Variants in CELF4 observed in about 807,000 individuals in gnomAD.
CELF4 encodes the protein CUG-BP- and ETR-3-like factor 4.
A neutral mutation model predicts 59.9 loss-of-function variants in CELF4; 18 were observed. The observed-to-expected ratio is 0.30, with a 90% confidence interval of 0.21 to 0.45. CELF4 has a LOEUF of 0.45. Ranked by LOEUF, CELF4 falls within the 20% of genes least tolerant of loss-of-function variation. The pLI, the probability that CELF4 is intolerant of heterozygous loss-of-function variation, is 1.00. For missense variants in CELF4, 456 were observed against 689.0 expected, an observed-to-expected ratio of 0.66 and a Z score of 3.79; for synonymous variants, 261 against 267.1, an observed-to-expected ratio of 0.98 and a Z score of 0.22.
chr18:37,407,800 A>G (rs1158601283), intron 2 of CELF4, among the ~76,000 whole-genome samples: 1 of 152,080 alleles, frequency 6.6e-6, no homozygotes, highest in Non-Finnish European at 1.5e-5. Flanking sequence ...AACACTGCAC[A>G]TGCCATATTG....
intron 1 of CELF4, among the ~76,000 whole-genome samples, chr18:37,546,961 C>A (rs534048441): frequency 6.6e-6 from 1 of 152,116 alleles, no homozygotes; most frequent in Non-Finnish European, 1.5e-5. Context: ...GTCAGTACTG[C>A]GAAAGAAGGC....
At chr18:37,307,627 G>A (rs1429444383) in intron 3 of CELF4, among the ~76,000 whole-genome samples, 5 of 152,226 alleles carry the variant, frequency 3.3e-5, no homozygotes, top group African/African-American at 7.2e-5. Context: ...GACAGAGGGG[G>A]CTGCTTTTAG....
At chr18:37,283,132 G>C (rs990609523) in intron 3 of CELF4, among the ~76,000 whole-genome samples, 1 of 151,976 alleles carries the variant, frequency 6.6e-6, no homozygotes, top group Non-Finnish European at 1.5e-5. Context: ...GGTGGAAGAG[G>C]CAGGAGACTG....
At chr18:37,353,249 T>TATATATAC (rs1473946530) in intron 2 of CELF4, among the ~76,000 whole-genome samples, 1 of 146,598 alleles carries the variant, frequency 6.8e-6, no homozygotes, top group African/African-American at 2.5e-5. Context: ...TATATATATA[T>TATATATAC]ACATAAAAGA....
Position 37,264,754 on chromosome 18 carries a change from G to T in CELF4, c.1169C>A (p.Ala390Asp). Residue 390 changes from alanine (A) to aspartate (D), a missense_variant, in exon 10 of 13, where the codon GCT (alanine) becomes GAT (aspartate). Physicochemically the swap from Ala to Asp is moderately radical, Grantham distance 126 (BLOSUM62 -2). Around this residue, in one of 7 missense-constraint regions of CELF4, gnomAD observed 256 missense variants for 340.8 expected, o/e 0.75. Coordinates refer to ENST00000420428, the MANE Select transcript of CELF4 (RefSeq NM_020180.4). ...CTGACCATAGGCAGCAGGGTAGGCA[G>T]CTGCTGGAGGCCCAAGACAAGAAGC... ...YAGVQQYAGPAAYPAAYGQIS... is the reference protein window; with the variant it reads ...YAGVQQYAGPDAYPAAYGQIS... The T allele has an allele frequency of 1.3e-6, 2 of 1,569,166 alleles. No homozygotes were observed. Among genetic ancestry groups the T allele is most frequent in the Non-Finnish European group, 1.7e-6 (2 of 1,156,334 alleles).
intron 2 of CELF4, among the ~76,000 whole-genome samples, chr18:37,435,704 C>T (rs1020319490): frequency 6.6e-5 from 10 of 152,172 alleles, no homozygotes; most frequent in Non-Finnish European, 1.2e-4. Flanking sequence ...GCACTGGCTC[C>T]CAGGCGACTC....
At chr18:37,386,503 G>A (rs781353144) in intron 2 of CELF4, among the ~76,000 whole-genome samples, 2 of 152,172 alleles carry the variant, frequency 1.3e-5, no homozygotes, top group Non-Finnish European at 2.9e-5. Flanking sequence ...AGAGTGAGGC[G>A]GAGAGCCGTA....
chr18:37,448,847 A>G (rs1324998411), intron 2 of CELF4, among the ~76,000 whole-genome samples: 1 of 152,124 alleles, frequency 6.6e-6, no homozygotes, highest in Non-Finnish European at 1.5e-5. Context: ...TCACCCTCCC[A>G]TGGCATGGCC....
At chr18:37,477,968 G>A (rs1421400708) in intron 2 of CELF4, among the ~76,000 whole-genome samples, 1 of 152,154 alleles carries the variant, frequency 6.6e-6, no homozygotes, top group African/African-American at 2.4e-5. Flanking sequence ...GTACCATCAG[G>A]AATCCAGCCC....
At chr18:37,376,890 G>C (rs1179493841) in intron 2 of CELF4, among the ~76,000 whole-genome samples, 1 of 152,140 alleles carries the variant, frequency 6.6e-6, no homozygotes, top group Non-Finnish European at 1.5e-5. Flanking sequence ...GAGCAGAGGA[G>C]AGCCCCTCCC....
rs768363382 is a variant in CELF4 at position 37,565,480 on chromosome 18, G to A, written c.162C>T (p.Ile54=). ...GGGGGATCTGCCCAATGAACAGCTT[G>A]ATGGCATCGTGGTCCTTCATGGGAA... ...STIPMKDHDA[I]KLFIGQIPRN... Residue 54 remains isoleucine (I), a synonymous_variant, in exon 1 of 13, where the codon ATC becomes ATT. Transcript: ENST00000420428. The A allele has an allele frequency of 1.2e-6, 2 of 1,614,180 alleles. No homozygotes were observed. Among genetic ancestry groups the A allele is most frequent in the South Asian group, 2.2e-5 (2 of 91,080 alleles).
At chr18:37,479,498 G>C (rs973382704) in intron 2 of CELF4, among the ~76,000 whole-genome samples, 1 of 152,168 alleles carries the variant, frequency 6.6e-6, no homozygotes, top group Non-Finnish European at 1.5e-5. Context: ...AATGTCAAAT[G>C]TCCCCCGCAG....
Position 37,485,584 on chromosome 18 carries a change from C to G in CELF4, c.310G>C (p.Glu104Gln). 6.8e-7 allele frequency: 1 copy of G among 1,460,244 alleles called. No individual in the cohort carries two copies. Among genetic ancestry groups the G allele is most frequent in the Non-Finnish European group, 9.1e-7 (1 of 1,093,276 alleles). The allele number at this position is 1,460,244 out of a possible 1,614,324, so 90.5% of individuals were successfully genotyped here. The change falls in exon 2 of 13, where the codon GAG becomes CAG. Residue 104 changes from glutamate (E) to glutamine (Q), a missense_variant. Physicochemically the swap from Glu to Gln is conservative, Grantham distance 29 (BLOSUM62 2). This residue lies in a region of CELF4 where 63 missense variants were observed against 110.6 expected (regional missense o/e 0.57). Transcript: ENST00000420428. Reference sequence around the variant, plus strand: ...TGGGCCTTCAGCGCTGACTCACGCTCGCAGTAGGTGAGGAAGGCGCAGCCT... The same window carrying G: ...TGGGCCTTCAGCGCTGACTCACGCTGGCAGTAGGTGAGGAAGGCGCAGCCT... Reference protein sequence around the residue: ...HKGCAFLTYCERESALKAQSA... With the variant: ...HKGCAFLTYCQRESALKAQSA...
intron 7 of CELF4, among the ~76,000 whole-genome samples, chr18:37,271,909 C>T (rs996029674): frequency 6.6e-6 from 1 of 152,132 alleles, no homozygotes; most frequent in African/African-American, 2.4e-5. Flanking sequence ...ACTGAAAGCC[C>T]AGAGGCTGGA....
chr18:37,451,935 CG>C (rs1327048310), intron 2 of CELF4, among the ~76,000 whole-genome samples: 2 of 152,138 alleles, frequency 1.3e-5, no homozygotes, highest in African/African-American at 2.4e-5. Flanking sequence ...GAGCCCAGGG[CG>C]GGGGATCCCA....
intron 1 of CELF4, among the ~76,000 whole-genome samples, chr18:37,558,563 G>T (rs1166899195): frequency 1.0e-5 from 1 of 99,328 alleles, no homozygotes; most frequent in African/African-American, 3.7e-5. Flanking sequence ...GTGGGGGGCG[G>T]GTGGGGGGGG....
intron 1 of CELF4, among the ~76,000 whole-genome samples, chr18:37,523,875 G>A (rs1161683018): frequency 6.6e-6 from 1 of 152,238 alleles, no homozygotes; most frequent in Non-Finnish European, 1.5e-5. Context: ...GGGTGGTGGA[G>A]AAATGAGCGT....
intron 11 of CELF4, among the ~76,000 whole-genome samples, chr18:37,256,056 C>T (rs1569006696): frequency 6.6e-6 from 1 of 152,192 alleles, no homozygotes; most frequent in Non-Finnish European, 1.5e-5. Context: ...TGAGCAGGGT[C>T]CCTCCCCTGC....
At chr18:37,411,426 G>T (rs1569569083) in intron 2 of CELF4, among the ~76,000 whole-genome samples, 1 of 152,160 alleles carries the variant, frequency 6.6e-6, no homozygotes, top group Admixed American at 6.5e-5. Context: ...ACATTAGCCA[G>T]TGGCACCTGG....
Sources: gnomAD v4.1 joint callset for allele counts (sites outside exome capture counted in the v4.1 genomes callset) on GRCh38, gnomAD v4.1.1 for gene constraint, gnomAD v4.1.1 regional missense constraint, MANE v1.5 for transcripts, NCBI Gene and HGNC (gene_info 2026-07-23, HGNC 2026-07-21) for gene names.